The following ARMC8 variants were observed in gnomAD, a reference collection of about 807,000 sequenced individuals.
The protein encoded by ARMC8 is armadillo repeat containing 8.
ARMC8 carries 20 observed loss-of-function variants against 99.3 expected under a neutral mutation model. The observed-to-expected ratio is 0.20, with a 90% CI of 0.14 to 0.29. The LOEUF (loss-of-function observed/expected upper bound fraction) is 0.29. ARMC8 is among the 10% of genes least tolerant of loss of function. ARMC8 has a pLI of 1.00. For missense variants in ARMC8, 569 were observed against 809.5 expected, an observed-to-expected ratio of 0.70 and a Z score of 3.60; for synonymous variants, 263 against 278.3, an observed-to-expected ratio of 0.95 and a Z score of 0.55.
intron 6 of ARMC8, among the ~76,000 whole-genome samples, chr3:138,229,335 T>C (rs554633097): frequency 6.8e-6 from 1 of 147,816 alleles, no homozygotes; most frequent in South Asian, 2.1e-4. Context: ...TCTCCCTCAT[T>C]CTTTTTTTTT....
intron 1 of ARMC8, among the ~76,000 whole-genome samples, chr3:138,189,793 C>T (rs1449078036): frequency 1.3e-5 from 2 of 152,236 alleles, no homozygotes; most frequent in Non-Finnish European, 2.9e-5. Context: ...CCTTGACTTT[C>T]TTCTACATCT....
At chr3:138,244,975 G>T (rs1454102662) in intron 11 of ARMC8, 113 bp from the exon 12 acceptor site, 14 of 1,294,770 alleles carry the variant, frequency 1.1e-5, no homozygotes, top group Non-Finnish European at 1.4e-5. Flanking sequence ...TTAATGACTG[G>T]GAAATTCACT....
intron 6 of ARMC8, among the ~76,000 whole-genome samples, chr3:138,234,806 A>T (rs1365251273): frequency 1.3e-5 from 2 of 152,174 alleles, no homozygotes; most frequent in Non-Finnish European, 2.9e-5. Flanking sequence ...TATTTCTAGG[A>T]GGTAAAGAGG....
chr3:138,267,340 T>G (rs1281234167), intron 15 of ARMC8, 99 bp downstream of exon 15: 13 of 666,464 alleles, frequency 2.0e-5, no homozygotes, highest in Non-Finnish European at 3.2e-5. Context: ...TGGGTTGGGT[T>G]TAAAAACTAC....
chr3:138,288,798 C>A (rs530940847), intron 19 of ARMC8, among the ~76,000 whole-genome samples: 1 of 152,010 alleles, frequency 6.6e-6, no homozygotes, highest in Admixed American at 6.5e-5. Flanking sequence ...CCACTACACC[C>A]GGCAAATTTT....
intron 7 of ARMC8, among the ~76,000 whole-genome samples, chr3:138,235,798 C>CTTTTTTTTTTTTTT (rs71146120): frequency 6.2e-5 from 5 of 80,540 alleles, no homozygotes; most frequent in Non-Finnish European, 9.2e-5. Context: ...TCCTTTTAGT[C>CTTTTTTTTTTTTTT]TTTTTTTTTT....
intron 2 of ARMC8, among the ~76,000 whole-genome samples, chr3:138,215,095 A>T (rs1173039652): frequency 6.6e-6 from 1 of 152,266 alleles, no homozygotes; most frequent in East Asian, 1.9e-4. Context: ...TCCAGGAATG[A>T]TTAAATCAAA....
intron 3 of ARMC8, among the ~76,000 whole-genome samples, chr3:138,222,335 G>A (rs141557499): frequency 1.1e-3 from 171 of 152,216 alleles, no homozygotes; most frequent in African/African-American, 3.8e-3. Context: ...TTGTGTGAGT[G>A]GGTAATTTAT....
chr3:138,201,098 G>C, intron 1 of ARMC8, among the ~76,000 whole-genome samples: 1 of 151,710 alleles, frequency 6.6e-6, no homozygotes. Context: ...TTTTAGTAGA[G>C]ACTGGGTTTC....
At chr3:138,216,045 A>ATT (rs755521341) in intron 2 of ARMC8, among the ~76,000 whole-genome samples, 11 of 128,522 alleles carry the variant, frequency 8.6e-5, no homozygotes, top group African/African-American at 1.1e-4. Flanking sequence ...TGCCCAGCTA[A>ATT]TTTTTTTTTT....
At chr3:138,230,854 A>C (rs148678780) in intron 6 of ARMC8, among the ~76,000 whole-genome samples, 234 of 152,348 alleles carry the variant, frequency 1.5e-3, no homozygotes, top group African/African-American at 5.3e-3. Flanking sequence ...TACTCATCAG[A>C]AACTCTTCAA....
At chr3:138,251,855 T>C (rs1389039296) in intron 12 of ARMC8, among the ~76,000 whole-genome samples, 1 of 152,212 alleles carries the variant, frequency 6.6e-6, no homozygotes, top group Non-Finnish European at 1.5e-5. Context: ...GATGGACAAG[T>C]TGGTTTATTG....
chr3:138,241,674 A>G lies in ARMC8; in HGVS notation c.838-109A>G, dbSNP rs997429839. ...CTCTAGAAGTCAGTAAAGGAAATAT[A>G]TGATCATAAACATTACTCCTGATAA... On this transcript the variant is annotated intron_variant, in intron 10 of 21. Coordinates refer to ENST00000469044, the MANE Select transcript of ARMC8 (RefSeq NM_001363941.2). The G allele has an allele frequency of 1.4e-5, 13 of 941,058 alleles. No homozygotes were observed. In the African/African-American group the frequency reaches 2.2e-4, roughly 16 times the overall value. 58.3% of individuals were successfully genotyped at this position (941,058 alleles called of 1,614,324 possible).
intron 18 of ARMC8, among the ~76,000 whole-genome samples, chr3:138,281,537 C>T (rs148418932): frequency 1.2e-3 from 188 of 152,214 alleles, no homozygotes; most frequent in African/African-American, 4.3e-3. Flanking sequence ...GTAATCCACC[C>T]GCTTTGGTCT....
intron 15 of ARMC8, among the ~76,000 whole-genome samples, chr3:138,267,848 A>G (rs1435472483): frequency 1.3e-5 from 2 of 152,186 alleles, no homozygotes; most frequent in African/African-American, 2.4e-5. Flanking sequence ...TTATGAACTC[A>G]GGTTTATTGT....
At chr3:138,202,239 C>T (rs911942757) in intron 1 of ARMC8, among the ~76,000 whole-genome samples, 2 of 152,124 alleles carry the variant, frequency 1.3e-5, no homozygotes, top group African/African-American at 2.4e-5. Flanking sequence ...ACATTCATTT[C>T]GTCTGGGGTC....
In ARMC8 at chr3:138,229,681, A is replaced by G. The variant is rs553201874; in HGVS notation, c.528+671A>G. Among the ~76,000 whole-genome samples, 199 of 152,230 alleles carry G rather than the reference A, an allele frequency of 1.3e-3. 1 individual carries two copies. The highest frequency in any genetic ancestry group is 1.4e-3 in the Non-Finnish European group (97 of 67,988). ...GAGAGATTCTTCTCATTGTTGAGTA[A>G]AGTTTCTCTTTCTTTTCTATGAAGT... On this transcript the variant is annotated intron_variant, in intron 6 of 21. Transcript: ENST00000469044.
chr3:138,283,434 T>C (rs991659619), intron 18 of ARMC8, among the ~76,000 whole-genome samples: 6 of 152,218 alleles, frequency 3.9e-5, no homozygotes, highest in Non-Finnish European at 8.8e-5. Flanking sequence ...ACCCTTGCAG[T>C]ATCCAACAAG....
chr3:138,241,803 A>C lies in ARMC8; in HGVS notation c.858A>C (p.Arg286=), dbSNP rs368581859. The change falls in exon 11 of 22, where the codon CGA becomes CGC. Residue 286 remains arginine (R), a synonymous_variant. Transcript: ENST00000469044. ...TTCAGACATTACCTTGTTTGGTTCG[A>C]ATGTGCAGTAAGGAGAGATTACTAG... The part of the protein sequence containing the change: ...IVLKTLPCLV[R]MCSKERLLEE... 6 of 1,613,890 alleles carry C rather than the reference A, an allele frequency of 3.7e-6. No individual in the cohort carries two copies. The highest frequency in any genetic ancestry group is 5.1e-6 in the Non-Finnish European group (6 of 1,179,988).
Sources: gnomAD v4.1 joint callset for allele counts (sites outside exome capture counted in the v4.1 genomes callset) on GRCh38, gnomAD v4.1.1 for gene constraint, MANE v1.5 for transcripts, NCBI Gene and HGNC (gene_info 2026-07-23, HGNC 2026-07-21) for gene names.